RXFP1: variants seen among roughly 807,000 people sequenced by gnomAD.
RXFP1 encodes relaxin family peptide receptor 1, also known as relaxin receptor 1.
Under a neutral mutation model 89.8 loss-of-function variants are expected in RXFP1, and 73 were observed. That is an observed-to-expected ratio of 0.81 (90% CI 0.67 to 0.99). The LOEUF (loss-of-function observed/expected upper bound fraction) is 0.99. RXFP1 is among the 50% of genes least tolerant of loss of function. The pLI is 0.00. For missense variants in RXFP1, 793 were observed against 895.5 expected, an observed-to-expected ratio of 0.89 and a Z score of 1.46; for synonymous variants, 277 against 305.5, an observed-to-expected ratio of 0.91 and a Z score of 0.97.
rs1772830263 is a variant in RXFP1, at chr4:158,651,961, A to G, written c.2180A>G (p.Glu727Gly). The change falls in exon 18 of 18, where the codon GAG (glutamate) becomes GGG (glycine). Residue 727 changes from glutamate (E) to glycine (G), a missense_variant. Physicochemically the swap from Glu to Gly is moderately conservative, Grantham distance 98. Transcript: ENST00000307765. ...FIWVEMWPLQ[E>G]MPPELMKPDL... ...TGGGTGGAAATGTGGCCACTGCAGGAGATGCCACCTGAGTTAATGAAGCCG... is the reference window on the plus strand; with the variant it reads ...TGGGTGGAAATGTGGCCACTGCAGGGGATGCCACCTGAGTTAATGAAGCCG... 6.2e-7 allele frequency: 1 copy of G among 1,614,178 alleles called. No individual in the cohort carries two copies. The highest frequency in any genetic ancestry group is 8.5e-7 in the Non-Finnish European group (1 of 1,180,008).
At position 158,628,724 on chromosome 4, in the gene RXFP1, A is replaced by G. The variant is rs765412063; in HGVS notation, c.899+15A>G. On this transcript the variant is annotated intron_variant, in intron 11 of 17. Coordinates refer to ENST00000307765, the MANE Select transcript of RXFP1 (RefSeq NM_021634.4). ...CTGGATGAATTGTAAGTATGACTGA[A>G]CATATACTGATAAGAATTTTCTTTC... is the stretch of plus-strand genomic sequence containing the variant. 9.3e-6 allele frequency: 13 copies of G among 1,393,524 alleles called. No homozygotes were observed. Among genetic ancestry groups the G allele is most frequent in the South Asian group, 3.8e-5 (3 of 79,612 alleles). 86.3% of individuals were successfully genotyped at this position (1,393,524 alleles called of 1,614,324 possible).
intron 2 of RXFP1, among the ~76,000 whole-genome samples, chr4:158,583,621 TTATTCTCAAAA>T (rs1757779758): frequency 6.6e-6 from 1 of 152,254 alleles, no homozygotes; most frequent in Non-Finnish European, 1.5e-5. Flanking sequence ...TTTCTATTTA[TTATTCTCAAAA>T]TAACATTGCA....
intron 12 of RXFP1, among the ~76,000 whole-genome samples, chr4:158,634,866 C>G (rs1351421078): frequency 6.6e-6 from 1 of 152,146 alleles, no homozygotes; most frequent in African/African-American, 2.4e-5. Flanking sequence ...TTCCTGAGCT[C>G]TCTATTCTAT....
At chr4:158,524,597 T>C (rs1412695421) in intron 1 of RXFP1, among the ~76,000 whole-genome samples, 2 of 152,214 alleles carry the variant, frequency 1.3e-5, no homozygotes, top group African/African-American at 4.8e-5. Flanking sequence ...CTTCTGTCCA[T>C]AGTCTAATTA....
chr4:158,592,528 A>G (rs1347022708), intron 2 of RXFP1, among the ~76,000 whole-genome samples: 1 of 151,954 alleles, frequency 6.6e-6, no homozygotes, highest in Non-Finnish European at 1.5e-5. Context: ...GAGCCAAGAT[A>G]GTGCCATTGC....
intron 1 of RXFP1, among the ~76,000 whole-genome samples, chr4:158,524,592 G>T (rs1742016937): frequency 6.6e-6 from 1 of 152,124 alleles, no homozygotes; most frequent in African/African-American, 2.4e-5. Context: ...AAATCCTTCT[G>T]TCCATAGTCT....
chr4:158,651,932 C>T lies in RXFP1; in HGVS notation c.2151C>T (p.Phe717=). 6.2e-7 allele frequency: 1 copy of T among 1,614,142 alleles called. No individual in the cohort carries two copies. The highest frequency in any genetic ancestry group is 8.5e-7 in the Non-Finnish European group (1 of 1,180,028). Reference sequence around the variant, plus strand: ...GTCAGAAAACATATGCTCCATCATTCATCTGGGTGGAAATGTGGCCACTGC... The same window carrying T: ...GTCAGAAAACATATGCTCCATCATTTATCTGGGTGGAAATGTGGCCACTGC... ...SKGQKTYAPS[F]IWVEMWPLQE... is the part of the protein sequence containing the mutation. Residue 717 remains phenylalanine, a synonymous_variant, in exon 18 of 18, where the codon TTC becomes TTT. Transcript: ENST00000307765.
intron 11 of RXFP1, among the ~76,000 whole-genome samples, chr4:158,629,163 G>A (rs148979740): frequency 0.021 from 3,232 of 151,830 alleles, 102 homozygotes; most frequent in African/African-American, 0.071. Context: ...CAAATATCCT[G>A]CCTCAGCCTC....
chr4:158,638,076 C>T lies in RXFP1; in HGVS notation c.1040C>T (p.Ser347Phe). 1 of 1,577,978 alleles carries T rather than the reference C, an allele frequency of 6.3e-7. No individual in the cohort carries two copies. The highest frequency in any genetic ancestry group is 8.7e-7 in the Non-Finnish European group (1 of 1,148,770). ...TTTGATTATCTTGTCAAACTCAAGT[C>T]TCTGTAAGTATTCACATATGGGGAT... ...NQFDYLVKLKSLSLEGIEISN... is the reference protein window; with the variant it reads ...NQFDYLVKLKFLSLEGIEISN... The change falls in exon 13 of 18, where the codon TCT (serine) becomes TTT (phenylalanine). Residue 347 changes from serine (S) to phenylalanine (F), a missense_variant. Ser to Phe is a radical substitution (Grantham distance 155). Transcript: ENST00000307765.
intron 9 of RXFP1, among the ~76,000 whole-genome samples, chr4:158,619,258 C>T (rs995406317): frequency 2.0e-5 from 3 of 152,040 alleles, no homozygotes; most frequent in Admixed American, 6.6e-5. Context: ...TATAGAAAGC[C>T]ACAAGACAGC....
chr4:158,587,134 G>A lies in RXFP1; in HGVS notation c.188-6267G>A, dbSNP rs139256854. ...GAGGTAGGTGGATGTGGCAGTAACA[G>A]GAACATGAACGTGGTGCACAGAGTG... On this transcript the variant is annotated intron_variant, in intron 2 of 17. Transcript: ENST00000307765. 1.8e-3 allele frequency among the ~76,000 whole-genome samples: 280 copies of A among 152,272 alleles called. 2 individuals carry two copies. Among genetic ancestry groups the A allele is most frequent in the African/African-American group, 6.3e-3 (260 of 41,552 alleles).
intron 17 of RXFP1, among the ~76,000 whole-genome samples, chr4:158,649,400 GAGA>G (rs1169507265): frequency 1.3e-5 from 2 of 152,052 alleles, no homozygotes; most frequent in East Asian, 3.9e-4. Context: ...ATGCAATTTA[GAGA>G]AGATCATGCC....
At chr4:158,581,587 G>A (rs1561060715) in intron 2 of RXFP1, among the ~76,000 whole-genome samples, 1 of 152,174 alleles carries the variant, frequency 6.6e-6, no homozygotes, top group Non-Finnish European at 1.5e-5. Flanking sequence ...AAAATTGCAA[G>A]TATAATAGTA....
At chr4:158,595,295 A>G (rs549399738) in intron 3 of RXFP1, among the ~76,000 whole-genome samples, 7 of 152,218 alleles carry the variant, frequency 4.6e-5, no homozygotes, top group Non-Finnish European at 1.0e-4. Flanking sequence ...TGAGCAATCA[A>G]TGGCTATTCA....
chr4:158,568,106 G>A (rs936730091), intron 1 of RXFP1, among the ~76,000 whole-genome samples: 2 of 152,024 alleles, frequency 1.3e-5, no homozygotes, highest in Admixed American at 6.5e-5. Context: ...CACCACAAAG[G>A]CCTTCAGCTT....
At chr4:158,540,220 C>T (rs972186226) in intron 1 of RXFP1, among the ~76,000 whole-genome samples, 1 of 152,058 alleles carries the variant, frequency 6.6e-6, no homozygotes, top group Non-Finnish European at 1.5e-5. Context: ...GGCAGAGCAG[C>T]GGCATGGGCT....
At chr4:158,612,697 G>A (rs1341751996) in intron 8 of RXFP1, among the ~76,000 whole-genome samples, 13 of 147,980 alleles carry the variant, frequency 8.8e-5, no homozygotes, top group Admixed American at 6.9e-5. Flanking sequence ...CACAACCCCC[G>A]CCTCCTGGGT....
chr4:158,639,154 G>A lies in RXFP1; in HGVS notation c.1044-106G>A. ...AGTATAATTATTTTGTTCAGAGTAA[G>A]TGTTAACTAAAAGCATTTTATTAAA... On this transcript the variant is annotated intron_variant, in intron 13 of 17. Coordinates refer to ENST00000307765, the MANE Select transcript of RXFP1 (RefSeq NM_021634.4). 6.1e-6 allele frequency: 4 copies of A among 652,114 alleles called. No individual in the cohort carries two copies. The South Asian group carries it at 7.5e-5, about 12-fold the overall frequency. The allele number at this position is 652,114 out of a possible 1,614,324, so 40.4% of individuals were successfully genotyped here. A position where few individuals can be genotyped will look rare whatever the true frequency, so the allele number is the denominator to read the frequency against.
chr4:158,531,507 G>A (rs534047872), intron 1 of RXFP1, among the ~76,000 whole-genome samples: 1 of 152,278 alleles, frequency 6.6e-6, no homozygotes, highest in East Asian at 1.9e-4. Flanking sequence ...ATTTTTTCAG[G>A]AGAATCCACC....
Sources: allele counts gnomAD v4.1 joint callset (sites outside exome capture counted in the v4.1 genomes callset), GRCh38; gene constraint gnomAD v4.1.1; transcripts MANE v1.5; gene names NCBI Gene and HGNC (gene_info 2026-07-23, HGNC 2026-07-21).